SCARA3: variants seen among roughly 807,000 people sequenced by gnomAD.
SCARA3 encodes scavenger receptor class A member 3.
In SCARA3, 39 loss-of-function variants were observed where a neutral mutation model predicts 47.0. That is an observed-to-expected ratio of 0.83 (90% confidence interval 0.64 to 1.08). SCARA3 has a LOEUF of 1.08. Among genes scored for constraint, SCARA3 ranks in the 50% least tolerant of loss-of-function variants. The pLI, the probability that SCARA3 is intolerant of heterozygous loss-of-function variation, is 0.00. For synonymous variants in SCARA3, 356 were observed against 334.1 expected (o/e 1.07, Z -0.71); for missense variants, 724 against 792.3 (o/e 0.91, Z 1.04).
chr8:27,684,180 C>T, the SCARA3 span, among the ~76,000 whole-genome samples: 23 of 152,062 alleles, frequency 1.5e-4, no homozygotes, highest in Non-Finnish European at 2.6e-4. Context: ...ATGATCTGTG[C>T]ATTTCATTAA....
intron 1 of SCARA3, among the ~76,000 whole-genome samples, chr8:27,639,886 T>C (rs575282): frequency 0.38 from 58,008 of 151,976 alleles, 11,502 homozygotes; most frequent in Middle Eastern, 0.53. Flanking sequence ...AGCTCAGGAT[T>C]CATGGATCAG....
chr8:27,701,779 C>G, the SCARA3 span: 4 of 153,222 alleles, frequency 2.6e-5, no homozygotes, highest in Middle Eastern at 5.1e-4. Context: ...GTATGTCTAC[C>G]ATTGTTTGCA....
the SCARA3 span, among the ~76,000 whole-genome samples, chr8:27,693,815 C>A: frequency 6.6e-6 from 1 of 152,204 alleles, no homozygotes; most frequent in Non-Finnish European, 1.5e-5. Context: ...TTCCTTTCTA[C>A]TGATAATAAC....
At chr8:27,677,713 T>A (rs77307882), downstream of SCARA3, among the ~76,000 whole-genome samples, 1,280 of 152,256 alleles carry the variant, frequency 8.4e-3, 11 homozygotes, top group Non-Finnish European at 0.014. Flanking sequence ...CCTAATAATA[T>A]GAGAAAAACA....
At chr8:27,727,717 AT>A in the SCARA3 span, among the ~76,000 whole-genome samples, 2 of 152,250 alleles carry the variant, frequency 1.3e-5, no homozygotes, top group Non-Finnish European at 1.5e-5. Flanking sequence ...ATATATAAAA[AT>A]TTGGAAACTT....
At chr8:27,643,092 T>A (rs2128915763) in intron 1 of SCARA3, among the ~76,000 whole-genome samples, 1 of 152,334 alleles carries the variant, frequency 6.6e-6, no homozygotes, top group South Asian at 2.1e-4. Flanking sequence ...TATTGGCCTT[T>A]AGCGGGCAAG....
intron 1 of SCARA3, among the ~76,000 whole-genome samples, chr8:27,639,392 A>G (rs757318682): frequency 6.6e-6 from 1 of 152,142 alleles, no homozygotes; most frequent in African/African-American, 2.4e-5. Flanking sequence ...GAGCATTTCA[A>G]GTTGGGCAGT....
chr8:27,667,361 G>T (rs1448983855), intron 5 of SCARA3, among the ~76,000 whole-genome samples: 1 of 152,196 alleles, frequency 6.6e-6, no homozygotes, highest in African/African-American at 2.4e-5. Context: ...GGACCCCAAA[G>T]CACTCTTTAG....
chr8:27,659,760 G>C (rs1276932118), intron 5 of SCARA3, among the ~76,000 whole-genome samples: 1 of 140,798 alleles, frequency 7.1e-6, no homozygotes, highest in Non-Finnish European at 1.5e-5. Flanking sequence ...TGAGGCAGAA[G>C]GATCACTTGA....
At chr8:27,731,101 C>CT in the SCARA3 span, among the ~76,000 whole-genome samples, 140 of 135,306 alleles carry the variant, frequency 1.0e-3, no homozygotes, top group African/African-American at 1.9e-3. Context: ...TCTTTTTTTT[C>CT]TTTTTTTTTT....
chr8:27,719,258 C>G, the SCARA3 span, among the ~76,000 whole-genome samples: 40 of 152,208 alleles, frequency 2.6e-4, 4 homozygotes, highest in East Asian at 1.7e-3. Context: ...AGGCCATTAT[C>G]CTTAGCAAAC....
intron 1 of SCARA3, among the ~76,000 whole-genome samples, chr8:27,638,772 T>C (rs1801315232): frequency 6.6e-6 from 1 of 152,222 alleles, no homozygotes; most frequent in African/African-American, 2.4e-5. Flanking sequence ...ATAGGATTTG[T>C]GCCCAAGTCA....
chr8:27,658,779 C>G lies in SCARA3; in HGVS notation c.609C>G (p.Asp203Glu). The G allele has an allele frequency of 6.2e-7, 1 of 1,614,066 alleles. No individual in the cohort carries two copies. The highest frequency in any genetic ancestry group is 8.5e-7 in the Non-Finnish European group (1 of 1,179,994). Residue 203 changes from aspartate (D) to glutamate (E), a missense_variant, in exon 5 of 6, where the codon GAC (aspartate) becomes GAG (glutamate). Asp to Glu is a conservative substitution (Grantham distance 45). Transcript: ENST00000301904. ...GGCAGGCCACCACAGCTGGCCTGGACCTCTCTCTGAAGGACCTCACCCAGG... is the reference window on the plus strand; with the variant it reads ...GGCAGGCCACCACAGCTGGCCTGGAGCTCTCTCTGAAGGACCTCACCCAGG... Reference protein sequence around the residue: ...RGWQATTAGLDLSLKDLTQEC... With the variant: ...RGWQATTAGLELSLKDLTQEC...
At chr8:27,697,836 G>C in the SCARA3 span, among the ~76,000 whole-genome samples, 21 of 152,134 alleles carry the variant, frequency 1.4e-4, no homozygotes, top group East Asian at 2.1e-3. Context: ...TTTGCTACTC[G>C]TTTGCCTTCC....
downstream of SCARA3, among the ~76,000 whole-genome samples, chr8:27,678,214 A>T (rs776255673): frequency 6.6e-5 from 10 of 152,210 alleles, no homozygotes; most frequent in African/African-American, 9.6e-5. Context: ...AAGAAAATGC[A>T]AATAGAAAAA....
At chr8:27,727,204 A>G in the SCARA3 span, among the ~76,000 whole-genome samples, 1 of 148,932 alleles carries the variant, frequency 6.7e-6, no homozygotes, top group Non-Finnish European at 1.5e-5. Flanking sequence ...GAGCCACAGC[A>G]CCTGGCTCAG....
At chr8:27,644,811 A>C (rs562709854) in intron 1 of SCARA3, among the ~76,000 whole-genome samples, 1 of 152,196 alleles carries the variant, frequency 6.6e-6, no homozygotes, top group Non-Finnish European at 1.5e-5. Context: ...CAAGAGTCCT[A>C]CATTTCTTTA....
intron 1 of SCARA3, among the ~76,000 whole-genome samples, chr8:27,635,884 CAGTT>C (rs1401260472): frequency 1.3e-5 from 2 of 152,210 alleles, no homozygotes; most frequent in African/African-American, 4.8e-5. Context: ...TTACAAATCA[CAGTT>C]AGTCAGGGTG....
the SCARA3 span, among the ~76,000 whole-genome samples, chr8:27,713,446 C>G: frequency 6.6e-6 from 1 of 152,180 alleles, no homozygotes; most frequent in Non-Finnish European, 1.5e-5. Flanking sequence ...AAGCGTTTCA[C>G]GGAGATGTAC....
Sources: allele counts gnomAD v4.1 joint callset (sites outside exome capture counted in the v4.1 genomes callset), GRCh38; gene constraint gnomAD v4.1.1; transcripts MANE v1.5; gene names NCBI Gene and HGNC (gene_info 2026-07-23, HGNC 2026-07-21).